SH2D4A: variants seen among roughly 807,000 people sequenced by gnomAD.
The protein encoded by SH2D4A is SH2 domain-containing protein 4A.
SH2D4A carries 70 observed loss-of-function variants against 64.7 expected under a neutral mutation model. The ratio of observed to expected loss-of-function variants is 1.08; its 90% CI spans 0.89 to 1.32. The LOEUF (loss-of-function observed/expected upper bound fraction) is 1.32. SH2D4A is among the 40% of genes most tolerant of loss of function. The pLI is 0.00. For missense variants in SH2D4A, 706 were observed against 540.1 expected, an observed-to-expected ratio of 1.31 and a Z score of -3.04; for synonymous variants, 268 against 200.7, an observed-to-expected ratio of 1.34 and a Z score of -2.83.
intron 8 of SH2D4A, among the ~76,000 whole-genome samples, chr8:19,383,488 A>G (rs933153170): frequency 1.3e-5 from 2 of 151,140 alleles, no homozygotes; most frequent in Non-Finnish European, 2.9e-5. Flanking sequence ...TTTTTCAGTG[A>G]CAGTTTCTGA....
At chr8:19,347,476 T>A (rs1167302457) in intron 4 of SH2D4A, among the ~76,000 whole-genome samples, 1 of 152,060 alleles carries the variant, frequency 6.6e-6, no homozygotes, top group African/African-American at 2.4e-5. Context: ...CCACTCAGAG[T>A]TGTTCTGCGT....
intron 4 of SH2D4A, among the ~76,000 whole-genome samples, chr8:19,353,369 T>G (rs1288889150): frequency 2.0e-5 from 2 of 102,054 alleles, no homozygotes; most frequent in Admixed American, 1.0e-4. Flanking sequence ...AATCATCTAG[T>G]TTTTTTTTTT....
Position 19,336,246 on chromosome 8 carries a change from T to A in SH2D4A, c.513+1389T>A, listed in dbSNP as rs373811906. On this transcript the variant is annotated intron_variant, in intron 4 of 9. Coordinates refer to ENST00000265807, the MANE Select transcript of SH2D4A (RefSeq NM_022071.4). ...GGACCCCCAGGCTATTCCTTAAATA[T>A]TAACTACTAACTCCTTAATTCTTAA... Among the ~76,000 whole-genome samples the A allele has an allele frequency of 2.0e-5, 3 of 152,306 alleles. No homozygotes were observed. The South Asian group carries it at 6.2e-4, about 32-fold the overall frequency.
intron 7 of SH2D4A, among the ~76,000 whole-genome samples, chr8:19,369,957 C>CTTTAG: frequency 6.6e-6 from 1 of 152,122 alleles, no homozygotes; most frequent in African/African-American, 2.4e-5. Context: ...TTGGAATAAA[C>CTTTAG]ATCACTCTTA....
intron 7 of SH2D4A, 85 bp from the exon 8 acceptor site, chr8:19,373,445 T>TAC (rs2053140359): frequency 1.7e-5 from 4 of 237,588 alleles, no homozygotes; most frequent in African/African-American, 1.4e-4. Flanking sequence ...TGTGTGTGTG[T>TAC]ATATATATAT....
intron 8 of SH2D4A, among the ~76,000 whole-genome samples, chr8:19,377,923 C>T (rs1038954235): frequency 6.6e-6 from 1 of 152,170 alleles, no homozygotes; most frequent in African/African-American, 2.4e-5. Flanking sequence ...AGTATATACT[C>T]CTACCAGCTG....
At chr8:19,361,814 T>C (rs1415824296) in intron 6 of SH2D4A, among the ~76,000 whole-genome samples, 1 of 152,052 alleles carries the variant, frequency 6.6e-6, no homozygotes, top group African/African-American at 2.4e-5. Flanking sequence ...GGATTTTTTT[T>C]CCCCTAAATT....
chr8:19,321,318 A>G (rs753960054), intron 2 of SH2D4A, among the ~76,000 whole-genome samples: 1 of 152,136 alleles, frequency 6.6e-6, no homozygotes, highest in African/African-American at 2.4e-5. Context: ...GGTTCAAGCA[A>G]TTCTCCTGCC....
At chr8:19,381,089 T>A (rs1257901231) in intron 8 of SH2D4A, among the ~76,000 whole-genome samples, 2 of 151,934 alleles carry the variant, frequency 1.3e-5, no homozygotes, top group African/African-American at 4.8e-5. Context: ...TTGCCTAGGC[T>A]GGAATGCTGA....
intron 2 of SH2D4A, among the ~76,000 whole-genome samples, chr8:19,324,299 G>T (rs1264648185): frequency 6.6e-6 from 1 of 152,322 alleles, no homozygotes; most frequent in East Asian, 1.9e-4. Context: ...GTGCGGAAGG[G>T]GCTCCTCTGT....
intron 8 of SH2D4A, among the ~76,000 whole-genome samples, chr8:19,380,495 T>C (rs903618321): frequency 1.3e-5 from 2 of 152,174 alleles, no homozygotes; most frequent in African/African-American, 2.4e-5. Flanking sequence ...CTAAAAGTGT[T>C]CCAGTTTTAG....
intron 8 of SH2D4A, among the ~76,000 whole-genome samples, chr8:19,389,274 C>CCT (rs1487605955): frequency 6.6e-6 from 1 of 152,136 alleles, no homozygotes; most frequent in African/African-American, 2.4e-5. Context: ...TTTACCATCT[C>CCT]CTATGCAAAA....
intron 8 of SH2D4A, among the ~76,000 whole-genome samples, chr8:19,391,297 T>C (rs370201408): frequency 2.9e-4 from 44 of 152,268 alleles, no homozygotes; most frequent in Middle Eastern, 3.4e-3. Flanking sequence ...CCCGTATCTG[T>C]TGGAACTTAG....
At chr8:19,362,773 GAC>G (rs1026525749) in intron 6 of SH2D4A, among the ~76,000 whole-genome samples, 7 of 151,866 alleles carry the variant, frequency 4.6e-5, no homozygotes, top group Non-Finnish European at 8.8e-5. Context: ...AAAAAACACA[GAC>G]ACACACATAC....
At chr8:19,357,126 G>A (rs2052804058) in intron 4 of SH2D4A, 77 bp from the exon 5 acceptor site, 1 of 1,207,420 alleles carries the variant, frequency 8.3e-7, no homozygotes, top group Non-Finnish European at 1.2e-6. Flanking sequence ...AGGGAAACCA[G>A]GGAAACATTG....
Position 19,394,621 on chromosome 8 carries a change from C to G in SH2D4A, c.1344C>G (p.Asp448Glu), listed in dbSNP as rs200724922. 3.1e-6 allele frequency: 5 copies of G among 1,608,954 alleles called. No homozygotes were observed. Among genetic ancestry groups the G allele is most frequent in the Non-Finnish European group, 4.2e-6 (5 of 1,176,616 alleles). The stretch of plus-strand genomic sequence containing the variant: ...GTGGTCAGCAGGACCAGCTGCCTGA[C>G]TACCTGGAGCTGTTTGAGTGACAGC... ...YPCGQQDQLPDYLELFE is the reference protein window; with the variant it reads ...YPCGQQDQLPEYLELFE The change falls in exon 10 of 10, where the codon GAC becomes GAG. Residue 448 changes from aspartate (D) to glutamate (E), a missense_variant. Asp to Glu is a conservative substitution (Grantham distance 45). Coordinates refer to ENST00000265807, the MANE Select transcript of SH2D4A (RefSeq NM_022071.4).
intron 4 of SH2D4A, among the ~76,000 whole-genome samples, chr8:19,351,630 C>T (rs1474710221): frequency 6.6e-6 from 1 of 151,742 alleles, no homozygotes; most frequent in Non-Finnish European, 1.5e-5. Flanking sequence ...AAAACAAAAA[C>T]AAAAACAAAA....
intron 4 of SH2D4A, among the ~76,000 whole-genome samples, chr8:19,354,080 T>A (rs1045588168): frequency 2.7e-5 from 4 of 150,054 alleles, no homozygotes; most frequent in Non-Finnish European, 5.9e-5. Flanking sequence ...AACCTCTGCC[T>A]CCCAGGTCCA....
At chr8:19,323,150 C>T (rs1361055966) in intron 2 of SH2D4A, among the ~76,000 whole-genome samples, 3 of 151,986 alleles carry the variant, frequency 2.0e-5, no homozygotes, top group African/African-American at 4.8e-5. Context: ...TAGAGGTCTA[C>T]AGCCGCACCG....
Sources: allele counts gnomAD v4.1 joint callset (sites outside exome capture counted in the v4.1 genomes callset), GRCh38; gene constraint gnomAD v4.1.1; transcripts MANE v1.5; gene names NCBI Gene and HGNC (gene_info 2026-07-23, HGNC 2026-07-21).